SYBU: variants seen among roughly 807,000 people sequenced by gnomAD.
The protein encoded by SYBU is syntabulin.
In SYBU, 21 loss-of-function variants were observed where a neutral mutation model predicts 35.9. The ratio of observed to expected loss-of-function variants is 0.58; its 90% confidence interval spans 0.41 to 0.84. The LOEUF is 0.84. Among genes scored for constraint, SYBU ranks in the 40% least tolerant of loss-of-function variants. The pLI is 0.00. For missense variants in SYBU, 768 were observed against 848.2 expected, an observed-to-expected ratio of 0.91 and a Z score of 1.17; for synonymous variants, 319 against 324.3, an observed-to-expected ratio of 0.98 and a Z score of 0.18.
At chr8:109,672,948 C>T (rs1817041556) in intron 1 of SYBU, among the ~76,000 whole-genome samples, 1 of 152,226 alleles carries the variant, frequency 6.6e-6, no homozygotes, top group Admixed American at 6.5e-5. Context: ...CACCACAGCA[C>T]CACAAAGCTG....
intron 1 of SYBU, among the ~76,000 whole-genome samples, chr8:109,654,424 A>AT (rs1435978195): frequency 4.6e-5 from 7 of 152,054 alleles, no homozygotes; most frequent in African/African-American, 1.4e-4. Flanking sequence ...AAGCACTTTC[A>AT]TTTTTTCTGG....
chr8:109,610,528 T>C (rs1230704932), intron 3 of SYBU, among the ~76,000 whole-genome samples: 1 of 152,244 alleles, frequency 6.6e-6, no homozygotes, highest in Non-Finnish European at 1.5e-5. Context: ...AATACAAGCC[T>C]ATTGCAGCTG....
intron 1 of SYBU, among the ~76,000 whole-genome samples, chr8:109,658,179 T>C (rs57167766): frequency 0.059 from 9,049 of 152,156 alleles, 806 homozygotes; most frequent in African/African-American, 0.19. Flanking sequence ...GTAGGACAAG[T>C]TTTAGGTTAA....
chr8:109,636,387 A>C (rs1413880870), intron 2 of SYBU, among the ~76,000 whole-genome samples: 1 of 152,210 alleles, frequency 6.6e-6, no homozygotes, highest in Admixed American at 6.5e-5. Flanking sequence ...TGGAAATCCC[A>C]TCCAGATGGG....
At chr8:109,620,006 C>T (rs940786594) in intron 2 of SYBU, among the ~76,000 whole-genome samples, 5 of 152,026 alleles carry the variant, frequency 3.3e-5, no homozygotes, top group East Asian at 3.9e-4. Context: ...TTAATATGCA[C>T]GATATGAAGT....
At chr8:109,675,233 G>C (rs958543048) in intron 1 of SYBU, among the ~76,000 whole-genome samples, 2 of 152,152 alleles carry the variant, frequency 1.3e-5, no homozygotes, top group Non-Finnish European at 2.9e-5. Context: ...AAAAGAACTA[G>C]AGGAGCAAGA....
At position 109,678,341 on chromosome 8, in the gene SYBU, T is replaced by C. The variant is rs530223690; in HGVS notation, c.-129+2370A>G. Reference sequence around the variant, plus strand: ...TAACTTAAGATTGTTAGGTTAAGCTTGAGACTCCAGTTCTCACTTTGTCTT... The same window carrying C: ...TAACTTAAGATTGTTAGGTTAAGCTCGAGACTCCAGTTCTCACTTTGTCTT... On this transcript the variant is annotated intron_variant, in intron 1 of 5. Transcript: ENST00000408889. 3.3e-5 allele frequency among the ~76,000 whole-genome samples: 5 copies of C among 151,912 alleles called. No individual in the cohort carries two copies. In the South Asian group the frequency reaches 8.3e-4, roughly 25 times the overall value.
chr8:109,654,892 A>C (rs988759440), intron 1 of SYBU, among the ~76,000 whole-genome samples: 2 of 152,156 alleles, frequency 1.3e-5, no homozygotes, highest in African/African-American at 4.8e-5. Context: ...ATTATCTTTA[A>C]AATGTGTTCA....
At chr8:109,657,509 A>T (rs994604561) in intron 1 of SYBU, among the ~76,000 whole-genome samples, 3 of 152,240 alleles carry the variant, frequency 2.0e-5, no homozygotes, top group African/African-American at 7.2e-5. Context: ...TGGGCCTTCC[A>T]TAGAAATGCA....
chr8:109,575,176 C>G lies in SYBU; in HGVS notation c.1722G>C (p.Met574Ile). The G allele has an allele frequency of 6.2e-7, 1 of 1,614,228 alleles. No homozygotes were observed. The highest frequency in any genetic ancestry group is 1.1e-5 in the South Asian group (1 of 91,086). ...CGCAGGCTGCAAAATCCAGCTCTCT[C>G]ATGAGGCGGTTTGCATGAACTTCTG... Reference protein sequence around the residue: ...VDAEVHANRLMRELDFAACVE... With the variant: ...VDAEVHANRLIRELDFAACVE... Residue 574 changes from methionine to isoleucine, a missense_variant, in exon 7 of 7, where the codon ATG becomes ATC. Met to Ile is a conservative substitution (Grantham distance 10, BLOSUM62 1). Coordinates refer to ENST00000276646, the MANE Select transcript of SYBU (RefSeq NM_001099754.2).
At chr8:109,688,805 C>T (rs1335076640) in intron 1 of SYBU, among the ~76,000 whole-genome samples, 1 of 151,406 alleles carries the variant, frequency 6.6e-6, no homozygotes, top group African/African-American at 2.4e-5. Context: ...AATAAAAACA[C>T]CAGCTGTTAT....
At chr8:109,585,622 G>C (rs1823520696) in intron 4 of SYBU, 1 of 159,612 alleles carries the variant, frequency 6.3e-6, no homozygotes, top group Admixed American at 5.9e-5. Flanking sequence ...TGGTCAGGGA[G>C]TAGCTGCTTC....
intron 1 of SYBU, among the ~76,000 whole-genome samples, chr8:109,678,561 C>T (rs979090666): frequency 3.3e-5 from 5 of 150,436 alleles, no homozygotes; most frequent in Admixed American, 6.7e-5. Context: ...CTGACTCAGC[C>T]TCTGGAGTAG....
intron 1 of SYBU, among the ~76,000 whole-genome samples, chr8:109,671,472 C>T (rs1008439617): frequency 6.6e-6 from 1 of 152,158 alleles, no homozygotes; most frequent in Non-Finnish European, 1.5e-5. Context: ...AGATGGCCCT[C>T]CTCAGATATA....
At chr8:109,586,437 GT>G in intron 3 of SYBU, 1 of 405,248 alleles carries the variant, frequency 2.5e-6, no homozygotes. Flanking sequence ...AGTGACCCAA[GT>G]GCATCAAGAA....
chr8:109,634,145 T>C (rs768545833), intron 2 of SYBU, among the ~76,000 whole-genome samples: 2 of 152,220 alleles, frequency 1.3e-5, no homozygotes, highest in Non-Finnish European at 2.9e-5. Context: ...AAATATTCCC[T>C]GAGCTTTTAA....
intron 2 of SYBU, among the ~76,000 whole-genome samples, chr8:109,637,616 T>C (rs376760657): frequency 2.0e-5 from 3 of 152,184 alleles, no homozygotes; most frequent in East Asian, 3.8e-4. Flanking sequence ...TAGCAGTCAT[T>C]CAACTGTAGT....
chr8:109,637,565 AC>A (rs1252519559), intron 2 of SYBU, among the ~76,000 whole-genome samples: 1 of 152,186 alleles, frequency 6.6e-6, no homozygotes, highest in Admixed American at 6.5e-5. Context: ...TTAAAGTGAT[AC>A]TAAATTGATA....
intron 2 of SYBU, among the ~76,000 whole-genome samples, chr8:109,639,409 GAA>G (rs1482498268): frequency 1.3e-5 from 2 of 152,090 alleles, no homozygotes; most frequent in African/African-American, 4.8e-5. Flanking sequence ...TAGATTTGAG[GAA>G]AGAGTCTCCA....
Sources: gnomAD v4.1 joint callset for allele counts (sites outside exome capture counted in the v4.1 genomes callset) on GRCh38, gnomAD v4.1.1 for gene constraint, MANE v1.5 for transcripts, NCBI Gene and HGNC (gene_info 2026-07-23, HGNC 2026-07-21) for gene names.